The following SOX11 variants were observed in gnomAD, a reference collection of about 807,000 sequenced individuals.
SOX11 encodes the protein SRY-box transcription factor 11.
A neutral mutation model predicts 16.7 loss-of-function variants in SOX11; 5 were observed. That is an observed-to-expected ratio of 0.30 (90% CI 0.16 to 0.63). SOX11 has a LOEUF of 0.63. Among genes scored for constraint, SOX11 ranks in the 20% least tolerant of loss-of-function variants. SOX11 has a pLI of 0.82. For missense variants in SOX11, 492 were observed against 641.5 expected, an observed-to-expected ratio of 0.77 and a Z score of 2.52; for synonymous variants, 363 against 298.8, an observed-to-expected ratio of 1.21 and a Z score of -2.22.
chr2:5,698,546 T>G lies in SOX11; in HGVS notation c.*4499T>G, dbSNP rs973525155. 1 of 131,190 alleles carries G rather than the reference T, an allele frequency of 7.6e-6. No homozygotes were observed. Among genetic ancestry groups the G allele is most frequent in the African/African-American group, 3.4e-5 (1 of 29,460 alleles). 8.1% of individuals were successfully genotyped at this position (131,190 alleles called of 1,614,324 possible). On this transcript the variant is annotated 3_prime_UTR_variant, in exon 1 of 1. Transcript: ENST00000322002. ...TCTTACACTCTGATACGCATCCCTT[T>G]TATTTAAAAAAAAAAAAAATGCTAA...
Position 5,693,689 on chromosome 2 carries a change from C to G in SOX11, c.968C>G (p.Pro323Arg), listed in dbSNP as rs1355029618. Residue 323 changes from proline to arginine, a missense_variant, in exon 1 of 1, where the codon CCG (proline) becomes CGG (arginine). By Grantham distance (103) the Pro-to-Arg change is moderately radical (BLOSUM62 -2). Around this residue, in one of 4 missense-constraint regions of SOX11, gnomAD observed 389 missense variants for 389.0 expected, o/e 1.00. Coordinates refer to ENST00000322002, the MANE Select transcript of SOX11 (RefSeq NM_003108.4). The surrounding 1 kb of genome is among the most constrained non-coding windows in gnomAD (Gnocchi z 8.6). ...YSFKNITKQH[P>R]PPLAQPALSP... is the part of the protein sequence containing the mutation. ...TTCAAGAACATCACCAAGCAGCACC[C>G]GCCGCCGCTCGCGCAGCCCGCGCTG... is the stretch of plus-strand genomic sequence containing the variant. 1.3e-6 allele frequency: 2 copies of G among 1,599,110 alleles called. No individual in the cohort carries two copies. Among genetic ancestry groups the G allele is most frequent in the Non-Finnish European group, 8.5e-7 (1 of 1,177,688 alleles).
chr2:5,692,781 C>A lies in SOX11; in HGVS notation c.60C>A (p.Asp20Glu). Residue 20 changes from aspartate to glutamate, a missense_variant, in exon 1 of 1, where the codon GAC (aspartate) becomes GAA (glutamate). Coordinates refer to ENST00000322002, the MANE Select transcript of SOX11 (RefSeq NM_003108.4). The stretch of plus-strand genomic sequence containing the variant: ...GCAACCTGCCCCGGGAGGCGCTGGA[C>A]ACGGAGGAGGGCGAATTCATGGCTT... ...AESNLPREAL[D>E]TEEGEFMACS... is the part of the protein sequence containing the mutation. 2 of 1,611,992 alleles carry A rather than the reference C, an allele frequency of 1.2e-6. No individual in the cohort carries two copies. The highest frequency in any genetic ancestry group is 8.5e-7 in the Non-Finnish European group (1 of 1,178,732).
chr2:5,692,785 G>C lies in SOX11; in HGVS notation c.64G>C (p.Glu22Gln), dbSNP rs765299842. ...SNLPREALDT[E>Q]EGEFMACSPV... ...CCTGCCCCGGGAGGCGCTGGACACGGAGGAGGGCGAATTCATGGCTTGCAG... is the reference window on the plus strand; with the variant it reads ...CCTGCCCCGGGAGGCGCTGGACACGCAGGAGGGCGAATTCATGGCTTGCAG... Residue 22 changes from glutamate (E) to glutamine (Q), a missense_variant, in exon 1 of 1, where the codon GAG (glutamate) becomes CAG (glutamine). Transcript: ENST00000322002. 1.2e-6 allele frequency: 2 copies of C among 1,612,626 alleles called. No individual in the cohort carries two copies. The highest frequency in any genetic ancestry group is 1.1e-5 in the South Asian group (1 of 90,938).
chr2:5,698,956 C>G lies in SOX11; in HGVS notation c.*4909C>G, dbSNP rs1043272926. 7 of 166,976 alleles carry G rather than the reference C, an allele frequency of 4.2e-5. No individual in the cohort carries two copies. The highest frequency in any genetic ancestry group is 8.8e-5 in the Non-Finnish European group (6 of 68,100). The allele number at this position is 166,976 out of a possible 1,614,324, so 10.3% of individuals were successfully genotyped here. A position where few individuals can be genotyped will look rare whatever the true frequency, so the allele number is the denominator to read the frequency against. On this transcript the variant is annotated 3_prime_UTR_variant, in exon 1 of 1. Transcript: ENST00000322002. ...TGAGAAATAAGGCAAATAAGTTGCT[C>G]TATTTTAAAGTAGTCATTCAATATA...
chr2:5,692,525 G>A lies in SOX11; in HGVS notation c.-197G>A, dbSNP rs1665650779. 1 of 468,482 alleles carries A rather than the reference G, an allele frequency of 2.1e-6. No homozygotes were observed. Among genetic ancestry groups the A allele is most frequent in the Admixed American group, 3.8e-5 (1 of 26,062 alleles). 29.0% of individuals were successfully genotyped at this position (468,482 alleles called of 1,614,324 possible). A position where few individuals can be genotyped will look rare whatever the true frequency, so the allele number is the denominator to read the frequency against. On this transcript the variant is annotated 5_prime_UTR_variant, in exon 1 of 1. Transcript: ENST00000322002. ...CGCGACCGCAGCTCCCACCGCGCCG[G>A]CGGCCGTCGTCGCCGAAGCCACCAC...
rs1665825806 is a variant in SOX11 at position 5,700,839 on chromosome 2, A to G, written c.*6792A>G. On this transcript the variant is annotated 3_prime_UTR_variant, in exon 1 of 1. Transcript: ENST00000322002. ...TAACAAGTGTGTATTTTCCAAGGCC[A>G]CATGAAACTTACTTTCTTAGCCACT... 1 of 166,794 alleles carries G rather than the reference A, an allele frequency of 6.0e-6. No homozygotes were observed. The highest frequency in any genetic ancestry group is 1.9e-4 in the East Asian group (1 of 5,194). 10.3% of individuals were successfully genotyped at this position (166,794 alleles called of 1,614,324 possible).
chr2:5,693,618 C>T lies in SOX11; in HGVS notation c.897C>T (p.Ala299=). The T allele has an allele frequency of 3.2e-6, 5 of 1,570,514 alleles. No individual in the cohort carries two copies. Among genetic ancestry groups the T allele is most frequent in the Admixed American group, 1.8e-5 (1 of 55,384 alleles). The part of the protein sequence containing the change: ...EGASLYDEVR[A]GATSGAGGGS... ...CGAGCCTCTACGACGAGGTGCGGGC[C>T]GGCGCGACCTCGGGCGCCGGGGGCG... The change falls in exon 1 of 1, where the codon GCC becomes GCT. Residue 299 remains alanine, a synonymous_variant. Transcript: ENST00000322002. This position sits in a 1 kb window ranked among gnomAD's most constrained non-coding sequence, Gnocchi z 8.6.
At position 5,700,432 on chromosome 2, in the gene SOX11, AAAG is replaced by A. The variant is rs68114586; in HGVS notation, c.*6386_*6388del. ...ACATTTCCCCTTCCAAAAAAAAAAA[AAAG>A]GACAACTGGAAGTAATTTATCATAT... On this transcript the variant is annotated 3_prime_UTR_variant, in exon 1 of 1. Transcript: ENST00000322002. The A allele has an allele frequency of 0.18, 29,467 of 165,930 alleles. 2,759 individuals carry two copies. The highest frequency in any genetic ancestry group is 0.29 in the Admixed American group (4,400 of 15,164). 10.3% of individuals were successfully genotyped at this position (165,930 alleles called of 1,614,324 possible). A position where few individuals can be genotyped will look rare whatever the true frequency, so the allele number is the denominator to read the frequency against.
Position 5,693,220 on chromosome 2 carries a change from T to A in SOX11, c.499T>A (p.Cys167Ser). 6.8e-7 allele frequency: 1 copy of A among 1,480,550 alleles called. No homozygotes were observed. The highest frequency in any genetic ancestry group is 2.5e-5 in the East Asian group (1 of 39,258). 91.7% of individuals were successfully genotyped at this position (1,480,550 alleles called of 1,614,324 possible). Reference protein sequence around the residue: ...AKTSKGSSKKCGKLKAPAAAG... With the variant: ...AKTSKGSSKKSGKLKAPAAAG... ...GACCTCCAAGGGCTCCAGCAAGAAA[T>A]GCGGCAAGCTCAAGGCCCCCGCGGC... Residue 167 changes from cysteine (C) to serine (S), a missense_variant, in exon 1 of 1, where the codon TGC (cysteine) becomes AGC (serine). Coordinates refer to ENST00000322002, the MANE Select transcript of SOX11 (RefSeq NM_003108.4). The surrounding 1 kb of genome is among the most constrained non-coding windows in gnomAD (Gnocchi z 8.6).
In SOX11 at chr2:5,700,261, C is replaced by A. The variant is rs151052848; in HGVS notation, c.*6214C>A. On this transcript the variant is annotated 3_prime_UTR_variant, in exon 1 of 1. Transcript: ENST00000322002. ...TGATCAAACTTCTTTTATGTAGTCA[C>A]GTAGACTTGATTTTTTCTGCTGTGA... 4 of 166,850 alleles carry A rather than the reference C, an allele frequency of 2.4e-5. No individual in the cohort carries two copies. In the East Asian group the frequency reaches 7.7e-4, roughly 32 times the overall value. 10.3% of individuals were successfully genotyped at this position (166,850 alleles called of 1,614,324 possible). A position where few individuals can be genotyped will look rare whatever the true frequency, so the allele number is the denominator to read the frequency against.
rs1208173597 is a variant in SOX11, at chr2:5,696,989, T to G, written c.*2942T>G. 6.4e-6 allele frequency: 1 copy of G among 156,208 alleles called. No homozygotes were observed. The highest frequency in any genetic ancestry group is 1.5e-5 in the Non-Finnish European group (1 of 68,254). 9.7% of individuals were successfully genotyped at this position (156,208 alleles called of 1,614,324 possible). ...CCGCTCGCTGAACCCCGTTTGCCTG[T>G]CCACACCCCCTCGCTCCCCACCATT... On this transcript the variant is annotated 3_prime_UTR_variant, in exon 1 of 1. Coordinates refer to ENST00000322002, the MANE Select transcript of SOX11 (RefSeq NM_003108.4).
Position 5,697,967 on chromosome 2 carries a change from G to A in SOX11, c.*3920G>A, listed in dbSNP as rs1159876575. On this transcript the variant is annotated 3_prime_UTR_variant, in exon 1 of 1. Coordinates refer to ENST00000322002, the MANE Select transcript of SOX11 (RefSeq NM_003108.4). ...TCTTGGACATTTTCTGTGGTGAGGTGGAAACTTTAAGTAAATTAGTAAAGT... is the reference window on the plus strand; with the variant it reads ...TCTTGGACATTTTCTGTGGTGAGGTAGAAACTTTAAGTAAATTAGTAAAGT... 6.0e-6 allele frequency: 1 copy of A among 166,992 alleles called. No homozygotes were observed. Among genetic ancestry groups the A allele is most frequent in the East Asian group, 1.9e-4 (1 of 5,196 alleles). The allele number at this position is 166,992 out of a possible 1,614,324, so 10.3% of individuals were successfully genotyped here. A position where few individuals can be genotyped will look rare whatever the true frequency, so the allele number is the denominator to read the frequency against.
chr2:5,697,995 T>C lies in SOX11; in HGVS notation c.*3948T>C, dbSNP rs1665771566. ...AACTTTAAGTAAATTAGTAAAGTAA[T>C]AATTTGGCTTCAGAATGGGAAGAGA... On this transcript the variant is annotated 3_prime_UTR_variant, in exon 1 of 1. Transcript: ENST00000322002. 2 of 166,970 alleles carry C rather than the reference T, an allele frequency of 1.2e-5. No homozygotes were observed. Among genetic ancestry groups the C allele is most frequent in the South Asian group, 4.1e-4 (2 of 4,822 alleles). The allele number at this position is 166,970 out of a possible 1,614,324, so 10.3% of individuals were successfully genotyped here. A position where few individuals can be genotyped will look rare whatever the true frequency, so the allele number is the denominator to read the frequency against.
rs868134150 is a variant in SOX11 at position 5,701,044 on chromosome 2, G to C, written c.*6997G>C. ...TGAAGTGTTTGATAGCACTAGGGGGGAAAGAAAATGCATGGCAAAGTTTCG... is the reference window on the plus strand; with the variant it reads ...TGAAGTGTTTGATAGCACTAGGGGGCAAAGAAAATGCATGGCAAAGTTTCG... On this transcript the variant is annotated 3_prime_UTR_variant, in exon 1 of 1. Transcript: ENST00000322002. 1 of 166,890 alleles carries C rather than the reference G, an allele frequency of 6.0e-6. No individual in the cohort carries two copies. Among genetic ancestry groups the C allele is most frequent in the Non-Finnish European group, 1.5e-5 (1 of 68,132 alleles). The allele number at this position is 166,890 out of a possible 1,614,324, so 10.3% of individuals were successfully genotyped here.
chr2:5,700,481 A>G lies in SOX11; in HGVS notation c.*6434A>G, dbSNP rs1380153615. ...CATATAAAGAATTTTGATCAAATAG[A>G]TATTGACAAAGGGCCCTCTGTCACA... On this transcript the variant is annotated 3_prime_UTR_variant, in exon 1 of 1. Coordinates refer to ENST00000322002, the MANE Select transcript of SOX11 (RefSeq NM_003108.4). 6.0e-6 allele frequency: 1 copy of G among 166,646 alleles called. No individual in the cohort carries two copies. The highest frequency in any genetic ancestry group is 1.5e-5 in the Non-Finnish European group (1 of 68,058). 10.3% of individuals were successfully genotyped at this position (166,646 alleles called of 1,614,324 possible).
Position 5,693,552 on chromosome 2 carries a change from C to T in SOX11, c.831C>T (p.Ala277=). Residue 277 remains alanine (A), a synonymous_variant, in exon 1 of 1, where the codon GCC becomes GCT. Transcript: ENST00000322002. The surrounding 1 kb of genome is among the most constrained non-coding windows in gnomAD (Gnocchi z 8.6). ...LRRYNVAKVP[A]SPTLSSSAES... ...GCTACAACGTCGCCAAAGTGCCCGC[C>T]AGCCCTACGCTGAGCAGCTCGGCGG... The T allele has an allele frequency of 6.4e-7, 1 of 1,564,568 alleles. No individual in the cohort carries two copies. Among genetic ancestry groups the T allele is most frequent in the Non-Finnish European group, 8.6e-7 (1 of 1,162,374 alleles).
Position 5,694,076 on chromosome 2 carries a change from G to A in SOX11, c.*29G>A. ...GCGCCCGCTGCTCGCTCTTTCTCTCGGAGGGTGCAGAGCTGGGTTCCTTGG... is the reference window on the plus strand; with the variant it reads ...GCGCCCGCTGCTCGCTCTTTCTCTCAGAGGGTGCAGAGCTGGGTTCCTTGG... On this transcript the variant is annotated 3_prime_UTR_variant, in exon 1 of 1. Transcript: ENST00000322002. 7 of 1,537,464 alleles carry A rather than the reference G, an allele frequency of 4.6e-6. No homozygotes were observed. Among genetic ancestry groups the A allele is most frequent in the South Asian group, 1.2e-5 (1 of 82,550 alleles).
At position 5,699,419 on chromosome 2, in the gene SOX11, G is replaced by A. The variant is rs1261906483; in HGVS notation, c.*5372G>A. On this transcript the variant is annotated 3_prime_UTR_variant, in exon 1 of 1. Transcript: ENST00000322002. ...ATGAGCCTTACCTATCCTAACACAG[G>A]GATTTACAAGTTCCCAAAGTAACCG... 4.2e-5 allele frequency: 7 copies of A among 166,842 alleles called. No homozygotes were observed. The highest frequency in any genetic ancestry group is 7.2e-5 in the African/African-American group (3 of 41,384). 10.3% of individuals were successfully genotyped at this position (166,842 alleles called of 1,614,324 possible). A position where few individuals can be genotyped will look rare whatever the true frequency, so the allele number is the denominator to read the frequency against.
Position 5,694,505 on chromosome 2 carries a change from T to C in SOX11, c.*458T>C, listed in dbSNP as rs1558374462. On this transcript the variant is annotated 3_prime_UTR_variant, in exon 1 of 1. Transcript: ENST00000322002. ...TCCGGAAGGCGCTGTTTGAAGCTTG[T>C]CGGTCTTTGAAGTCTGGAAGACGTC... 2 of 313,804 alleles carry C rather than the reference T, an allele frequency of 6.4e-6. No homozygotes were observed. Among genetic ancestry groups the C allele is most frequent in the Non-Finnish European group, 1.2e-5 (2 of 164,560 alleles). The allele number at this position is 313,804 out of a possible 1,614,324, so 19.4% of individuals were successfully genotyped here.
Sources: gnomAD v4.1 joint callset for allele counts on GRCh38, gnomAD v4.1.1 for gene constraint, gnomAD v4.1.1 regional missense constraint, Gnocchi (gnomAD v3.1) non-coding constraint, MANE v1.5 for transcripts, NCBI Gene and HGNC (gene_info 2026-07-23, HGNC 2026-07-21) for gene names.